RAPSN: variants seen among roughly 807,000 people sequenced by gnomAD.
The protein encoded by RAPSN is receptor associated protein of the synapse.
Under a neutral mutation model 45.7 loss-of-function variants are expected in RAPSN, and 33 were observed. The ratio of observed to expected loss-of-function variants is 0.72; its 90% confidence interval spans 0.55 to 0.97. The LOEUF is 0.97. Among genes scored for constraint, RAPSN ranks in the 50% least tolerant of loss-of-function variants. The pLI, the probability that RAPSN is intolerant of heterozygous loss-of-function variation, is 0.00. For synonymous variants in RAPSN, 244 were observed against 233.6 expected, an observed-to-expected ratio of 1.04 and a Z score of -0.40; for missense variants, 519 against 559.4, an observed-to-expected ratio of 0.93 and a Z score of 0.73.
At chr11:47,444,486 C>G (rs2076389111) in intron 2 of RAPSN, among the ~76,000 whole-genome samples, 1 of 152,040 alleles carries the variant, frequency 6.6e-6, no homozygotes, top group Admixed American at 6.6e-5. Flanking sequence ...TTACAGTGAA[C>G]CGTGATTGAG....
Position 47,448,966 on chromosome 11 carries a change from C to G in RAPSN, c.-2G>C. 1 of 1,614,250 alleles carries G rather than the reference C, an allele frequency of 6.2e-7. No individual in the cohort carries two copies. Among genetic ancestry groups the G allele is most frequent in the Non-Finnish European group, 8.5e-7 (1 of 1,180,046 alleles). On this transcript the variant is annotated 5_prime_UTR_variant, in exon 1 of 8. Transcript: ENST00000298854. ...CTGCTTGGTCTGGTCCTGCCCCATC[C>G]TCCCCAAGCCCTGTGTCCCACGTGG...
intron 2 of RAPSN, among the ~76,000 whole-genome samples, chr11:47,444,304 G>A (rs1177791241): frequency 6.6e-6 from 1 of 151,980 alleles, no homozygotes; most frequent in Non-Finnish European, 1.5e-5. Context: ...CGGGGAAGCT[G>A]AGTTGGGAGA....
intron 1 of RAPSN, 105 bp from the exon 2 acceptor site, chr11:47,448,255 A>G (rs924006308): frequency 2.5e-6 from 3 of 1,194,000 alleles, no homozygotes; most frequent in Middle Eastern, 2.2e-4. Flanking sequence ...CCCACCCCCC[A>G]GCCTCACACC....
chr11:47,442,850 G>A lies in RAPSN; in HGVS notation c.532-36C>T, dbSNP rs200189715. 313 of 1,611,316 alleles carry A rather than the reference G, an allele frequency of 1.9e-4. No homozygotes were observed. The African/African-American group carries it at 3.9e-3, about 20-fold the overall frequency. ...CATGGAATGGAAGGAGGCAAACTGAGTGGCAGAGGCTGCCCCAAGTCAAGG... is the reference window on the plus strand; with the variant it reads ...CATGGAATGGAAGGAGGCAAACTGAATGGCAGAGGCTGCCCCAAGTCAAGG... On this transcript the variant is annotated intron_variant, in intron 2 of 7. Transcript: ENST00000298854.
At position 47,449,080 on chromosome 11, in the gene RAPSN, G is replaced by T. The variant is rs141786680; in HGVS notation, c.-116C>A. 205 of 1,297,886 alleles carry T rather than the reference G, an allele frequency of 1.6e-4. No individual in the cohort carries two copies. The African/African-American group carries it at 2.8e-3, about 18-fold the overall frequency. 80.4% of individuals were successfully genotyped at this position (1,297,886 alleles called of 1,614,324 possible). The stretch of plus-strand genomic sequence containing the variant: ...CCCCCGAAACGTGGGAACAAAAGCA[G>T]CGTCGGGTGGGAGCCGGAATGGGGC... On this transcript the variant is annotated 5_prime_UTR_variant, in exon 1 of 8. In the 5' UTR this introduces an upstream ATG that the reference lacks. Coordinates refer to ENST00000298854, the MANE Select transcript of RAPSN (RefSeq NM_005055.5).
chr11:47,438,318 G>T (rs1018335631), intron 7 of RAPSN, among the ~76,000 whole-genome samples: 2 of 152,090 alleles, frequency 1.3e-5, no homozygotes, highest in African/African-American at 4.8e-5. Flanking sequence ...GGCCCTGGAC[G>T]TCCGACCTAA....
In RAPSN at chr11:47,437,886, G is replaced by C. The variant is rs751460716; in HGVS notation, c.*89C>G. ...CCTTGGCTATGGTGAGGACGACCTG[G>C]CAGCTGCCCCAGGAGTAAATGGGCC... On this transcript the variant is annotated 3_prime_UTR_variant, in exon 8 of 8. Transcript: ENST00000298854. 1 of 1,515,214 alleles carries C rather than the reference G, an allele frequency of 6.6e-7. No homozygotes were observed. The highest frequency in any genetic ancestry group is 1.2e-5 in the South Asian group (1 of 83,294). 93.9% of individuals were successfully genotyped at this position (1,515,214 alleles called of 1,614,324 possible).
At chr11:47,439,712 ATTT>A (rs3972616) in intron 6 of RAPSN, among the ~76,000 whole-genome samples, 5 of 127,276 alleles carry the variant, frequency 3.9e-5, no homozygotes, top group African/African-American at 1.5e-4. Flanking sequence ...GATTATGACG[ATTT>A]TTTTTTTTTT....
chr11:47,443,917 C>T (rs1219397930), intron 2 of RAPSN, among the ~76,000 whole-genome samples: 2 of 96,046 alleles, frequency 2.1e-5, no homozygotes, highest in Admixed American at 3.4e-4. Flanking sequence ...GTGACAGAGG[C>T]AGACTCTGTC....
chr11:47,448,843 C>T lies in RAPSN; in HGVS notation c.122G>A (p.Gly41Glu). ...KVLEKSSDLM[G>E]RFRVLGCLVT... is the part of the protein sequence containing the mutation. ...CAGGCAGCCCAGCACGCGGAAGCGC[C>T]CCATGAGGTCCGAGCTCTTCTCCAG... The change falls in exon 1 of 8, where the codon GGG becomes GAG. Residue 41 changes from glycine (G) to glutamate (E), a missense_variant. Coordinates refer to ENST00000298854, the MANE Select transcript of RAPSN (RefSeq NM_005055.5). The T allele has an allele frequency of 6.2e-7, 1 of 1,614,100 alleles. No individual in the cohort carries two copies. The highest frequency in any genetic ancestry group is 8.5e-7 in the Non-Finnish European group (1 of 1,180,046).
intron 2 of RAPSN, among the ~76,000 whole-genome samples, chr11:47,444,453 C>T (rs1008845836): frequency 1.3e-5 from 2 of 151,888 alleles, no homozygotes; most frequent in Non-Finnish European, 2.9e-5. Context: ...GAGGGAGGAT[C>T]GCTTGAACAC....
chr11:47,439,965 C>T (rs1223494641), intron 6 of RAPSN, among the ~76,000 whole-genome samples: 2 of 152,080 alleles, frequency 1.3e-5, no homozygotes, highest in Non-Finnish European at 2.9e-5. Flanking sequence ...TCCCAAAATG[C>T]AGGTGTGAGC....
chr11:47,437,921 C>G lies in RAPSN; in HGVS notation c.*54G>C. 6.5e-7 allele frequency: 1 copy of G among 1,546,624 alleles called. No homozygotes were observed. The highest frequency in any genetic ancestry group is 8.7e-7 in the Non-Finnish European group (1 of 1,142,874). On this transcript the variant is annotated 3_prime_UTR_variant, in exon 8 of 8. Coordinates refer to ENST00000298854, the MANE Select transcript of RAPSN (RefSeq NM_005055.5). ...CAGGAGTAAATGGGCCTCTGGCGTG[C>G]AGTGGAGAAAGAGCAGGAGTGGCGA...
At chr11:47,441,128 C>G in intron 6 of RAPSN, 31 bp downstream of exon 6, 2 of 1,613,928 alleles carry the variant, frequency 1.2e-6, no homozygotes, top group Non-Finnish European at 1.7e-6. Context: ...GGCCCTTGAC[C>G]CCAGATCCAG....
intron 2 of RAPSN, among the ~76,000 whole-genome samples, chr11:47,445,163 G>A (rs1039027721): frequency 1.8e-4 from 26 of 147,626 alleles, no homozygotes; most frequent in African/African-American, 6.0e-4. Flanking sequence ...CCCGGGAGGC[G>A]GAGGGTGCAG....
intron 1 of RAPSN, 64 bp from the exon 2 acceptor site, chr11:47,448,214 G>T: frequency 6.4e-7 from 1 of 1,551,812 alleles, no homozygotes; most frequent in Non-Finnish European, 8.8e-7. Context: ...ACCCCAGCCT[G>T]CACTGCAGGC....
chr11:47,438,030 C>T lies in RAPSN; in HGVS notation c.1184G>A (p.Gly395Glu). 1 of 1,549,946 alleles carries T rather than the reference C, an allele frequency of 6.5e-7. No individual in the cohort carries two copies. The highest frequency in any genetic ancestry group is 8.7e-7 in the Non-Finnish European group (1 of 1,146,908). ...GCGGCAGTTGGGACAGCTCCGGGTC[C>T]CGTTGTTCTGCAGGCACCTGGGGAG... is the stretch of plus-strand genomic sequence containing the variant. ...IFHLRCLQNN[G>E]TRSCPNCRRS... is the part of the protein sequence containing the mutation. The change falls in exon 8 of 8, where the codon GGG becomes GAG. Residue 395 changes from glycine to glutamate, a missense_variant. Gly to Glu is a moderately conservative substitution (Grantham distance 98). Transcript: ENST00000298854.
In RAPSN at chr11:47,438,854, G is replaced by A. The variant is rs1014137280; in HGVS notation, c.1044C>T (p.His348=). 22 of 1,570,230 alleles carry A rather than the reference G, an allele frequency of 1.4e-5. No homozygotes were observed. Among genetic ancestry groups the A allele is most frequent in the Middle Eastern group, 3.3e-4 (2 of 6,006 alleles). ...CCACGCACTCGTGGAACCTCACAAC[G>A]TGCGCCCGCAGTTCCCGCTGCAGCC... ...SKGLQRELRA[H]VVRFHECVEE... Residue 348 remains histidine, a synonymous_variant, in exon 7 of 8, where the codon CAC becomes CAT. Transcript: ENST00000298854.
At chr11:47,439,986 G>A (rs569603998) in intron 6 of RAPSN, among the ~76,000 whole-genome samples, 6 of 152,100 alleles carry the variant, frequency 3.9e-5, no homozygotes, top group Admixed American at 6.6e-5. Flanking sequence ...CACCGCACCC[G>A]GCCTTGGTTT....
Sources: allele counts gnomAD v4.1 joint callset (sites outside exome capture counted in the v4.1 genomes callset), GRCh38; gene constraint gnomAD v4.1.1; transcripts MANE v1.5; gene names NCBI Gene and HGNC (gene_info 2026-07-23, HGNC 2026-07-21).